The following CADPS2 variants were observed in gnomAD, a reference collection of about 807,000 sequenced individuals.
The protein encoded by CADPS2 is calcium dependent secretion activator 2, also known as calcium-dependent secretion activator 2.
A neutral mutation model predicts 172.5 loss-of-function variants in CADPS2; 93 were observed. That is an observed-to-expected ratio of 0.54 (90% CI 0.46 to 0.64). CADPS2 has a LOEUF of 0.64. Ranked by LOEUF, CADPS2 falls within the 30% of genes least tolerant of loss-of-function variation. CADPS2 has a pLI of 0.00. For synonymous variants in CADPS2, 546 were observed against 555.2 expected (o/e 0.98, Z 0.23); for missense variants, 1,420 against 1,565.9 (o/e 0.91, Z 1.57).
Position 122,499,530 on chromosome 7 carries a change from A to G in CADPS2, c.1543-8110T>C, listed in dbSNP as rs1164250425. 2.6e-5 allele frequency among the ~76,000 whole-genome samples: 4 copies of G among 152,316 alleles called. No homozygotes were observed. The East Asian group carries it at 7.7e-4, about 29-fold the overall frequency. On this transcript the variant is annotated intron_variant, in intron 9 of 29. Coordinates refer to ENST00000449022, the MANE Select transcript of CADPS2 (RefSeq NM_017954.11). ...GGTATTGGCCAAAAAGGAATTCTTA[A>G]TATTACCTTTAAGACTAGCCAAAAC...
intron 1 of CADPS2, among the ~76,000 whole-genome samples, chr7:122,802,745 C>T (rs925357436): frequency 7.9e-5 from 12 of 152,272 alleles, no homozygotes; most frequent in African/African-American, 2.9e-4. Flanking sequence ...TCTACTTTCA[C>T]CATTAGCAGC....
At chr7:122,634,856 A>G (rs1346121900) in intron 3 of CADPS2, among the ~76,000 whole-genome samples, 2 of 151,982 alleles carry the variant, frequency 1.3e-5, no homozygotes, top group Non-Finnish European at 2.9e-5. Context: ...TTCTGTCTCT[A>G]TTTTCCTTAA....
At chr7:122,672,322 T>C (rs1349900503) in intron 2 of CADPS2, among the ~76,000 whole-genome samples, 4 of 152,206 alleles carry the variant, frequency 2.6e-5, no homozygotes, top group Non-Finnish European at 4.4e-5. Context: ...GTGGTCACCC[T>C]CCAACTTTCT....
chr7:122,755,923 T>C (rs939819066), intron 1 of CADPS2, among the ~76,000 whole-genome samples: 2 of 152,212 alleles, frequency 1.3e-5, no homozygotes, highest in Non-Finnish European at 2.9e-5. Context: ...TTAAATTATG[T>C]TAACAAAATA....
intron 6 of CADPS2, among the ~76,000 whole-genome samples, chr7:122,601,363 T>G (rs2072748174): frequency 6.6e-6 from 1 of 152,048 alleles, no homozygotes; most frequent in South Asian, 2.1e-4. Context: ...AAATTTGCTA[T>G]TTTATAAGCC....
intron 1 of CADPS2, among the ~76,000 whole-genome samples, chr7:122,884,464 T>C (rs542039456): frequency 6.6e-6 from 1 of 152,252 alleles, no homozygotes; most frequent in South Asian, 2.1e-4. Flanking sequence ...GCCAATTTGT[T>C]TGGGATTGGG....
intron 9 of CADPS2, among the ~76,000 whole-genome samples, chr7:122,510,901 G>C (rs2059959902): frequency 6.6e-6 from 1 of 152,156 alleles, no homozygotes; most frequent in Admixed American, 6.6e-5. Flanking sequence ...TTGAATGTAA[G>C]ATTCACTTGT....
intron 3 of CADPS2, among the ~76,000 whole-genome samples, chr7:122,651,008 C>T (rs1248554428): frequency 6.6e-6 from 1 of 151,906 alleles, no homozygotes; most frequent in Non-Finnish European, 1.5e-5. Context: ...CACAAATCTG[C>T]CATTTAATAC....
At chr7:122,501,562 C>T (rs1028959284) in intron 9 of CADPS2, among the ~76,000 whole-genome samples, 1 of 151,730 alleles carries the variant, frequency 6.6e-6, no homozygotes, top group Admixed American at 6.6e-5. Flanking sequence ...TAAAAAGGGT[C>T]ACCTTGGCCA....
intron 20 of CADPS2, among the ~76,000 whole-genome samples, chr7:122,400,822 C>T (rs2045860092): frequency 6.6e-6 from 1 of 152,180 alleles, no homozygotes; most frequent in Non-Finnish European, 1.5e-5. Context: ...CTCATTTAAG[C>T]ACTTGAAAGA....
intron 2 of CADPS2, among the ~76,000 whole-genome samples, chr7:122,683,799 A>G (rs2083330410): frequency 6.6e-6 from 1 of 151,616 alleles, no homozygotes; most frequent in Admixed American, 6.6e-5. Context: ...TGGAGTTTGC[A>G]TGTTCTCCCC....
chr7:122,510,676 G>C (rs2059943076), intron 9 of CADPS2, among the ~76,000 whole-genome samples: 1 of 152,164 alleles, frequency 6.6e-6, no homozygotes, highest in Non-Finnish European at 1.5e-5. Context: ...GGGGTATACT[G>C]TCCTCCCTGT....
At chr7:122,454,530 A>G (rs1417075661) in intron 14 of CADPS2, among the ~76,000 whole-genome samples, 1 of 152,200 alleles carries the variant, frequency 6.6e-6, no homozygotes, top group East Asian at 1.9e-4. Context: ...ATACCCTTAC[A>G]TTAGACATTT....
In CADPS2 at chr7:122,367,539, G is replaced by T. The variant is rs866788407; in HGVS notation, c.3388-6526C>A. 1.4e-4 allele frequency among the ~76,000 whole-genome samples: 14 copies of T among 100,606 alleles called. No homozygotes were observed. In the East Asian group the frequency reaches 1.7e-3, roughly 12 times the overall value. 66.0% of individuals were successfully genotyped at this position (100,606 alleles called of 152,430 possible). A position where few individuals can be genotyped will look rare whatever the true frequency, so the allele number is the denominator to read the frequency against. On this transcript the variant is annotated intron_variant, in intron 25 of 29. Coordinates refer to ENST00000449022, the MANE Select transcript of CADPS2 (RefSeq NM_017954.11). Reference sequence around the variant, plus strand: ...TAACCATATTCTAAACCTTCCCCCAGTTTTTTTTTTTTTTTTTTTTTTTTT... The same window carrying T: ...TAACCATATTCTAAACCTTCCCCCATTTTTTTTTTTTTTTTTTTTTTTTTT...
chr7:122,428,603 G>T (rs2049481685), intron 17 of CADPS2, among the ~76,000 whole-genome samples: 1 of 151,846 alleles, frequency 6.6e-6, no homozygotes, highest in Non-Finnish European at 1.5e-5. Context: ...GAGTAGCTGG[G>T]ACTACAGCCA....
At chr7:122,842,454 C>T (rs898637944) in intron 1 of CADPS2, among the ~76,000 whole-genome samples, 2 of 152,122 alleles carry the variant, frequency 1.3e-5, no homozygotes, top group Non-Finnish European at 2.9e-5. Flanking sequence ...GTAACAGGAC[C>T]TTGATAATCT....
intron 28 of CADPS2, among the ~76,000 whole-genome samples, chr7:122,333,080 G>A (rs1046890940): frequency 2.0e-5 from 3 of 152,128 alleles, no homozygotes; most frequent in African/African-American, 7.2e-5. Context: ...TTGGCTCATT[G>A]ATAAATCCAG....
At chr7:122,508,452 T>G (rs895188073) in intron 9 of CADPS2, among the ~76,000 whole-genome samples, 1 of 108,084 alleles carries the variant, frequency 9.3e-6, no homozygotes, top group Non-Finnish European at 1.8e-5. Flanking sequence ...CATTTAAGTT[T>G]TTTTTTTTTT....
chr7:122,566,225 G>C (rs940589623), intron 7 of CADPS2, among the ~76,000 whole-genome samples: 1 of 152,076 alleles, frequency 6.6e-6, no homozygotes, highest in Non-Finnish European at 1.5e-5. Flanking sequence ...TTACCAACAA[G>C]ATAAAAGATA....
Sources: gnomAD v4.1 joint callset for allele counts (sites outside exome capture counted in the v4.1 genomes callset) on GRCh38, gnomAD v4.1.1 for gene constraint, MANE v1.5 for transcripts, NCBI Gene and HGNC (gene_info 2026-07-23, HGNC 2026-07-21) for gene names.